The following SLC9A3 variants were observed in gnomAD, a reference collection of about 807,000 sequenced individuals.
SLC9A3 encodes the protein solute carrier family 9 member A3.
Under a neutral mutation model 86.8 loss-of-function variants are expected in SLC9A3, and 37 were observed. That is an observed-to-expected ratio of 0.43 (90% confidence interval 0.33 to 0.56). The LOEUF (loss-of-function observed/expected upper bound fraction) is 0.56, where lower values mean the gene tolerates loss of function less well. Ranked by LOEUF, SLC9A3 falls within the 20% of genes least tolerant of loss-of-function variation. SLC9A3 has a pLI of 0.06. For missense variants in SLC9A3, 1,011 were observed against 1,171.9 expected (o/e 0.86, Z 2.00); for synonymous variants, 581 against 528.3 (o/e 1.10, Z -1.37).
intron 2 of SLC9A3, among the ~76,000 whole-genome samples, chr5:488,947 G>C (rs1433786005): frequency 6.6e-6 from 1 of 152,230 alleles, no homozygotes; most frequent in African/African-American, 2.4e-5. Context: ...GTGGGGATGA[G>C]CAGGGCTGCG....
At position 500,666 on chromosome 5, in the gene SLC9A3, T is replaced by C. The variant is rs60335686; in HGVS notation, c.212-8595A>G. Reference sequence around the variant, plus strand: ...GGTGTGGACATGGGGCTAGTATGGATGGGGCTGGTGTGGATGGGGCCGTGT... The same window carrying C: ...GGTGTGGACATGGGGCTAGTATGGACGGGGCTGGTGTGGATGGGGCCGTGT... On this transcript the variant is annotated intron_variant, in intron 1 of 16. Transcript: ENST00000264938. 3.6e-3 allele frequency among the ~76,000 whole-genome samples: 104 copies of C among 29,274 alleles called. 1 individual carries two copies. Among genetic ancestry groups the C allele is most frequent in the East Asian group, 9.2e-3 (8 of 870 alleles). 19.2% of individuals were successfully genotyped at this position (29,274 alleles called of 152,430 possible).
chr5:516,729 C>T (rs1360329782), intron 1 of SLC9A3, among the ~76,000 whole-genome samples: 1 of 152,258 alleles, frequency 6.6e-6, no homozygotes, highest in Non-Finnish European at 1.5e-5. Context: ...GCTCACCATG[C>T]TGAGCCCAGA....
At chr5:510,662 C>T (rs2126650714) in intron 1 of SLC9A3, among the ~76,000 whole-genome samples, 1 of 152,366 alleles carries the variant, frequency 6.6e-6, no homozygotes, top group South Asian at 2.1e-4. Flanking sequence ...CAGGCTGGAA[C>T]AGACTCAGCC....
In SLC9A3 at chr5:483,320, G is replaced by A; in HGVS notation, c.1095C>T (p.Thr365=). The change falls in exon 6 of 17, where the codon ACC becomes ACT. Residue 365 remains threonine (T), a synonymous_variant. Transcript: ENST00000264938. ...TCAGGAGCACGAAGGCCGTGTTCCA[G>A]GTCCAGATGAACGGGTTCACGGCCG... ...GISAVNPFIW[T]WNTAFVLLTL... 6.4e-7 allele frequency: 1 copy of A among 1,565,996 alleles called. No individual in the cohort carries two copies. The highest frequency in any genetic ancestry group is 1.7e-4 in the Middle Eastern group (1 of 6,012).
At chr5:504,021 T>G (rs150850650) in intron 1 of SLC9A3, among the ~76,000 whole-genome samples, 7 of 151,594 alleles carry the variant, frequency 4.6e-5, no homozygotes, top group African/African-American at 1.7e-4. Flanking sequence ...CTTGCCCTTA[T>G]AAAATCATTC....
intron 1 of SLC9A3, among the ~76,000 whole-genome samples, chr5:508,301 G>A (rs1740708297): frequency 6.6e-6 from 1 of 151,308 alleles, no homozygotes; most frequent in African/African-American, 2.4e-5. Flanking sequence ...GATGCCGCAG[G>A]GAGACGCAGC....
Position 476,316 on chromosome 5 carries a change from T to C in SLC9A3, c.1953A>G (p.Glu651=), listed in dbSNP as rs1216980459. 4.3e-6 allele frequency: 7 copies of C among 1,613,974 alleles called. No homozygotes were observed. The highest frequency in any genetic ancestry group is 1.6e-4 in the Middle Eastern group (1 of 6,062). The change falls in exon 13 of 17, where the codon GAA becomes GAG. Residue 651 remains glutamate, a synonymous_variant. Coordinates refer to ENST00000264938, the MANE Select transcript of SLC9A3 (RefSeq NM_004174.4). ...TPTEDEKQDR[E]IFHRTMRKRL... ...GCTTCCGCATGGTCCTGTGGAAGATTTCCCGGTCCTGTTTCTCGTCCTCCG... is the reference window on the plus strand; with the variant it reads ...GCTTCCGCATGGTCCTGTGGAAGATCTCCCGGTCCTGTTTCTCGTCCTCCG...
Position 472,610 on chromosome 5 carries a change from G to T in SLC9A3, c.*769C>A. The T allele has an allele frequency of 2.4e-6, 1 of 409,152 alleles. No individual in the cohort carries two copies. The highest frequency in any genetic ancestry group is 3.5e-4 in the Middle Eastern group (1 of 2,840). 25.3% of individuals were successfully genotyped at this position (409,152 alleles called of 1,614,324 possible). A position where few individuals can be genotyped will look rare whatever the true frequency, so the allele number is the denominator to read the frequency against. ...GGACGGAACCTGGGGGGGAAACGGGGCAGGTACTGGCTTTAGGAGTCTAAA... is the reference window on the plus strand; with the variant it reads ...GGACGGAACCTGGGGGGGAAACGGGTCAGGTACTGGCTTTAGGAGTCTAAA... On this transcript the variant is annotated 3_prime_UTR_variant, in exon 17 of 17. Coordinates refer to ENST00000264938, the MANE Select transcript of SLC9A3 (RefSeq NM_004174.4).
chr5:489,140 T>TGGGGGTGCCAGGCTCC (rs1165626584), intron 2 of SLC9A3, among the ~76,000 whole-genome samples: 43 of 152,260 alleles, frequency 2.8e-4, no homozygotes, highest in Non-Finnish European at 5.0e-4. Context: ...GGAGGCCACG[T>TGGGGGTGCCAGGCTCC]GGGGGTGCCA....
At chr5:516,709 G>A (rs1370982178) in intron 1 of SLC9A3, among the ~76,000 whole-genome samples, 1 of 152,200 alleles carries the variant, frequency 6.6e-6, no homozygotes, top group Admixed American at 6.5e-5. Flanking sequence ...CTCTGTGTGG[G>A]GCAGATGGTG....
At position 524,361 on chromosome 5, in the gene SLC9A3, C is replaced by T. The variant is rs1733975768; in HGVS notation, c.-39G>A. The T allele has an allele frequency of 1.0e-6, 1 of 965,196 alleles. No individual in the cohort carries two copies. Among genetic ancestry groups the T allele is most frequent in the Non-Finnish European group, 1.3e-6 (1 of 763,574 alleles). The allele number at this position is 965,196 out of a possible 1,614,324, so 59.8% of individuals were successfully genotyped here. A position where few individuals can be genotyped will look rare whatever the true frequency, so the allele number is the denominator to read the frequency against. ...GCGCAGGGCTGGGACGCGCATGTCG[C>T]GGGGGGTCCCGGCTGGGCTGGGCCG... On this transcript the variant is annotated 5_prime_UTR_variant, in exon 1 of 17. Coordinates refer to ENST00000264938, the MANE Select transcript of SLC9A3 (RefSeq NM_004174.4).
intron 15 of SLC9A3, 40 bp from the exon 16 acceptor site, chr5:475,172 C>G: frequency 5.2e-6 from 8 of 1,527,872 alleles, no homozygotes; most frequent in Non-Finnish European, 6.1e-6. Context: ...TTCGGAGAGC[C>G]CCACGGCGGC....
At chr5:518,338 TACCCTGAGATCTAGC>T (rs772744494) in intron 1 of SLC9A3, among the ~76,000 whole-genome samples, 6 of 151,838 alleles carry the variant, frequency 4.0e-5, no homozygotes, top group Non-Finnish European at 5.9e-5. Flanking sequence ...TGAGACCTGA[TACCCTGAGATCTAGC>T]ACCCTGAGAT....
Position 472,300 on chromosome 5 carries a change from G to C in SLC9A3, c.*1079C>G. On this transcript the variant is annotated 3_prime_UTR_variant, in exon 17 of 17. Transcript: ENST00000264938. ...GTCCGGGGTCTAGGACAGGCTCAGG[G>C]GTCTCAGCAGGTTCTCCTTGGAGGG... is the stretch of plus-strand genomic sequence containing the variant. 4 of 342,370 alleles carry C rather than the reference G, an allele frequency of 1.2e-5. No homozygotes were observed. Among genetic ancestry groups the C allele is most frequent in the South Asian group, 9.0e-5 (4 of 44,488 alleles). The allele number at this position is 342,370 out of a possible 1,614,324, so 21.2% of individuals were successfully genotyped here.
rs761872430 is a variant in SLC9A3, at chr5:476,339, C to T, written c.1930G>A (p.Glu644Lys). The T allele has an allele frequency of 9.9e-6, 16 of 1,613,820 alleles. No individual in the cohort carries two copies. The highest frequency in any genetic ancestry group is 1.2e-5 in the Non-Finnish European group (14 of 1,180,026). The change falls in exon 13 of 17, where the codon GAG becomes AAG. Residue 644 changes from glutamate to lysine, a missense_variant. This residue lies in a region of SLC9A3 where 397 missense variants were observed against 346.3 expected (regional missense o/e 1.15). Transcript: ENST00000264938. ...ATTTCCCGGTCCTGTTTCTCGTCCT[C>T]CGTGGGCGTGAGCTCGTGTCGGCTG... is the stretch of plus-strand genomic sequence containing the variant. The part of the protein sequence containing the change: ...LYSRHELTPT[E>K]DEKQDREIFH...
chr5:488,200 G>T (rs1215636420), intron 3 of SLC9A3, 116 bp downstream of exon 3: 3 of 1,166,412 alleles, frequency 2.6e-6, no homozygotes, highest in African/African-American at 3.1e-5. Flanking sequence ...GCCCCCGGGA[G>T]GGGAGTTTGA....
intron 1 of SLC9A3, among the ~76,000 whole-genome samples, chr5:500,526 C>CAT (rs1740215720): frequency 6.9e-6 from 1 of 145,902 alleles, no homozygotes; most frequent in African/African-American, 2.6e-5. Flanking sequence ...CCAGTGTGGA[C>CAT]GGGGCTGGTG....
Position 476,034 on chromosome 5 carries a change from G to C in SLC9A3, c.2126C>G (p.Thr709Ser). The part of the protein sequence containing the change: ...LPMESPAQNF[T>S]IKEKDLELSD... ...CCCCAGCGCACCTTTCTCCTTGATG[G>C]TGAAATTCTGCGCAGGGCTCTCCAT... The change falls in exon 14 of 17, where the codon ACC becomes AGC. Residue 709 changes from threonine to serine, a missense_variant. Around this residue, in one of 3 missense-constraint regions of SLC9A3, gnomAD observed 397 missense variants for 346.3 expected, o/e 1.15. Coordinates refer to ENST00000264938, the MANE Select transcript of SLC9A3 (RefSeq NM_004174.4). 1 of 1,612,672 alleles carries C rather than the reference G, an allele frequency of 6.2e-7. No individual in the cohort carries two copies. The highest frequency in any genetic ancestry group is 8.5e-7 in the Non-Finnish European group (1 of 1,179,608).
chr5:499,136 C>CT (rs1356047879), intron 1 of SLC9A3, among the ~76,000 whole-genome samples: 1 of 152,254 alleles, frequency 6.6e-6, no homozygotes, highest in African/African-American at 2.4e-5. Flanking sequence ...TGGGGCTGGT[C>CT]TGCTCCACAC....
Sources: gnomAD v4.1 joint callset for allele counts (sites outside exome capture counted in the v4.1 genomes callset) on GRCh38, gnomAD v4.1.1 for gene constraint, gnomAD v4.1.1 regional missense constraint, MANE v1.5 for transcripts, NCBI Gene and HGNC (gene_info 2026-07-23, HGNC 2026-07-21) for gene names.